The following CHST11 variants were observed in gnomAD, a reference collection of about 807,000 sequenced individuals.
CHST11 encodes the protein carbohydrate sulfotransferase 11, also known as C4S-1.
Under a neutral mutation model 30.4 loss-of-function variants are expected in CHST11, and 9 were observed. That is an observed-to-expected ratio of 0.30 (90% CI 0.18 to 0.52). The LOEUF (loss-of-function observed/expected upper bound fraction) is 0.52, where lower values mean the gene tolerates loss of function less well. Among genes scored for constraint, CHST11 ranks in the 20% least tolerant of loss-of-function variants. The pLI is 0.97. For missense variants in CHST11, 348 were observed against 460.6 expected, an observed-to-expected ratio of 0.76 and a Z score of 2.24; for synonymous variants, 152 against 187.8, an observed-to-expected ratio of 0.81 and a Z score of 1.56.
rs552122922 is a variant in CHST11, at chr12:104,672,372, G to T, written c.204+70381G>T. 7.2e-5 allele frequency among the ~76,000 whole-genome samples: 11 copies of T among 152,294 alleles called. No homozygotes were observed. In the East Asian group the frequency reaches 1.9e-3, roughly 27 times the overall value. On this transcript the variant is annotated intron_variant, in intron 2 of 2. Transcript: ENST00000303694. ...GGCAAGTGTCTTTGCAGAGAGGGGC[G>T]AAAGGAGCAGATAGCTCCAGAAATG... is the stretch of plus-strand genomic sequence containing the variant.
At chr12:104,753,744 C>T (rs952221410) in intron 2 of CHST11, among the ~76,000 whole-genome samples, 4 of 152,214 alleles carry the variant, frequency 2.6e-5, no homozygotes, top group South Asian at 2.1e-4. Context: ...GCCAAGACCC[C>T]GGCAGTCAGC....
At chr12:104,737,112 G>A (rs2040307622) in intron 2 of CHST11, among the ~76,000 whole-genome samples, 1 of 152,224 alleles carries the variant, frequency 6.6e-6, no homozygotes, top group African/African-American at 2.4e-5. Flanking sequence ...ACAACTTTAA[G>A]GAAAGGAAGT....
intron 1 of CHST11, among the ~76,000 whole-genome samples, chr12:104,487,708 A>G (rs1470164058): frequency 6.6e-6 from 1 of 150,408 alleles, no homozygotes; most frequent in Non-Finnish European, 1.5e-5. Flanking sequence ...GTAAAAATGC[A>G]TACGAAACAG....
intron 2 of CHST11, among the ~76,000 whole-genome samples, chr12:104,640,375 A>G (rs1157427310): frequency 2.6e-5 from 4 of 152,216 alleles, no homozygotes; most frequent in Non-Finnish European, 2.9e-5. Context: ...ATGCATCCAT[A>G]CAACAGAATA....
chr12:104,742,454 C>T (rs192832766), intron 2 of CHST11, among the ~76,000 whole-genome samples: 35 of 152,290 alleles, frequency 2.3e-4, no homozygotes, highest in South Asian at 8.3e-4. Flanking sequence ...CAGCGACTTC[C>T]GAGGACCCCA....
intron 2 of CHST11, among the ~76,000 whole-genome samples, chr12:104,692,206 G>A (rs552864861): frequency 4.1e-4 from 63 of 152,170 alleles, no homozygotes; most frequent in Non-Finnish European, 8.2e-4. Flanking sequence ...ACCTCGGTCC[G>A]CAGTCCTCAG....
At chr12:104,537,668 A>T (rs2038249576) in intron 1 of CHST11, among the ~76,000 whole-genome samples, 1 of 150,750 alleles carries the variant, frequency 6.6e-6, no homozygotes, top group African/African-American at 2.4e-5. Context: ...TATAGTTTTC[A>T]TCTGCTCCTC....
chr12:104,621,510 T>C (rs2039157957), intron 2 of CHST11, among the ~76,000 whole-genome samples: 1 of 152,228 alleles, frequency 6.6e-6, no homozygotes, highest in Non-Finnish European at 1.5e-5. Flanking sequence ...GGTTTTAAGA[T>C]GGAGAGATTA....
chr12:104,464,637 G>A (rs2037441445), intron 1 of CHST11, among the ~76,000 whole-genome samples: 1 of 152,138 alleles, frequency 6.6e-6, no homozygotes, highest in East Asian at 1.9e-4. Context: ...CTCCCAAGCA[G>A]CTGGGACTTA....
Position 104,672,336 on chromosome 12 carries a change from A to T in CHST11, c.204+70345A>T, listed in dbSNP as rs532540155. On this transcript the variant is annotated intron_variant, in intron 2 of 2. Transcript: ENST00000303694. ...GACTCCATTAGGGGCCCGGCTGTCCAGCTGTCTTGTGGCAAGTGTCTTTGC... is the reference window on the plus strand; with the variant it reads ...GACTCCATTAGGGGCCCGGCTGTCCTGCTGTCTTGTGGCAAGTGTCTTTGC... 5.6e-4 allele frequency among the ~76,000 whole-genome samples: 85 copies of T among 152,252 alleles called. 3 individuals are homozygous for T. The highest frequency in any genetic ancestry group is 5.6e-3 in the Admixed American group (85 of 15,290).
At chr12:104,663,948 T>C (rs2039619901) in intron 2 of CHST11, among the ~76,000 whole-genome samples, 1 of 152,112 alleles carries the variant, frequency 6.6e-6, no homozygotes, top group South Asian at 2.1e-4. Flanking sequence ...AAAACACAGA[T>C]ACATAATTTC....
At position 104,761,560 on chromosome 12, in the gene CHST11, T is replaced by C; in HGVS notation, c.*3757T>C. On this transcript the variant is annotated 3_prime_UTR_variant, in exon 3 of 3. Coordinates refer to ENST00000303694, the MANE Select transcript of CHST11 (RefSeq NM_018413.6). ...ACCAAATCCCTTCCTTGCCCACCTC[T>C]ATGTCAGCAGGACTGACCACATCAC... The C allele has an allele frequency of 6.5e-6, 1 of 153,052 alleles. No homozygotes were observed. The highest frequency in any genetic ancestry group is 1.5e-5 in the Non-Finnish European group (1 of 68,788). The allele number at this position is 153,052 out of a possible 1,614,324, so 9.5% of individuals were successfully genotyped here.
chr12:104,457,792 T>TG (rs2037368054), intron 1 of CHST11, among the ~76,000 whole-genome samples: 1 of 124,558 alleles, frequency 8.0e-6, no homozygotes, highest in Non-Finnish European at 1.7e-5. Flanking sequence ...GTAGTTTTTT[T>TG]TTTTTTTTTT....
chr12:104,572,282 A>G (rs1463035322), intron 1 of CHST11, among the ~76,000 whole-genome samples: 1 of 152,042 alleles, frequency 6.6e-6, no homozygotes, highest in East Asian at 1.9e-4. Flanking sequence ...TAGTTTCAGA[A>G]GGAATGGTAC....
intron 2 of CHST11, among the ~76,000 whole-genome samples, chr12:104,730,582 G>A (rs12230941): frequency 0.052 from 7,844 of 152,260 alleles, 665 homozygotes; most frequent in East Asian, 0.33. Flanking sequence ...AAAGTGTGGC[G>A]TGGCTGGCCC....
intron 2 of CHST11, among the ~76,000 whole-genome samples, chr12:104,611,404 T>C (rs2039058670): frequency 6.6e-6 from 1 of 152,220 alleles, no homozygotes; most frequent in Non-Finnish European, 1.5e-5. Context: ...AAATGCCCCG[T>C]TGTCCCTGCA....
At chr12:104,722,690 T>C (rs1205935979) in intron 2 of CHST11, among the ~76,000 whole-genome samples, 1 of 151,992 alleles carries the variant, frequency 6.6e-6, no homozygotes, top group Non-Finnish European at 1.5e-5. Context: ...CTGGAGTCGT[T>C]GCTGGAAAGA....
chr12:104,548,270 A>G (rs1290254496), intron 1 of CHST11, among the ~76,000 whole-genome samples: 5 of 152,244 alleles, frequency 3.3e-5, no homozygotes, highest in East Asian at 3.9e-4. Flanking sequence ...GCAAGGAGGC[A>G]GGGAGAAGTG....
At chr12:104,476,511 T>C (rs867555887) in intron 1 of CHST11, among the ~76,000 whole-genome samples, 2 of 152,242 alleles carry the variant, frequency 1.3e-5, no homozygotes, top group Middle Eastern at 3.4e-3. Context: ...TGTATTTTCA[T>C]TTTGCCATTC....
Sources: allele counts gnomAD v4.1 joint callset (sites outside exome capture counted in the v4.1 genomes callset), GRCh38; gene constraint gnomAD v4.1.1; transcripts MANE v1.5; gene names NCBI Gene and HGNC (gene_info 2026-07-23, HGNC 2026-07-21).